ROBO2: variants seen among roughly 807,000 people sequenced by gnomAD.
ROBO2 encodes the protein roundabout guidance receptor 2, also known as roundabout homolog 2.
In ROBO2, 53 loss-of-function variants were observed where a neutral mutation model predicts 160.8. The observed-to-expected ratio is 0.33, with a 90% CI of 0.26 to 0.41. The LOEUF is 0.41. Ranked by LOEUF, ROBO2 falls within the 10% of genes least tolerant of loss-of-function variation. The pLI is 1.00. For missense variants in ROBO2, 1,577 were observed against 1,722.4 expected (o/e 0.92, Z 1.49); for synonymous variants, 664 against 611.7 (o/e 1.09, Z -1.26).
At chr3:76,104,281 A>G (rs1420364950) in intron 2 of ROBO2, among the ~76,000 whole-genome samples, 1 of 152,242 alleles carries the variant, frequency 6.6e-6, no homozygotes, top group Non-Finnish European at 1.5e-5. Flanking sequence ...ATCTAGAGTC[A>G]AAGTACTGAA....
At chr3:77,091,980 A>T (rs1290345391) in intron 1 of ROBO2, 3 of 143,714 alleles carry the variant, frequency 2.1e-5, no homozygotes, top group East Asian at 4.1e-4. Flanking sequence ...TCTCTGACTC[A>T]AAATAAATAA....
At chr3:76,251,085 C>A (rs1705964603) in intron 2 of ROBO2, among the ~76,000 whole-genome samples, 1 of 151,954 alleles carries the variant, frequency 6.6e-6, no homozygotes, top group Non-Finnish European at 1.5e-5. Flanking sequence ...GAAACGCATT[C>A]TTATCAGTGG....
intron 2 of ROBO2, among the ~76,000 whole-genome samples, chr3:76,753,124 A>G (rs2060773124): frequency 3.3e-5 from 5 of 151,964 alleles, no homozygotes; most frequent in Admixed American, 3.3e-4. Flanking sequence ...ACTTAAATAG[A>G]CAAAGAAACA....
At chr3:77,181,308 A>G (rs2080761313) in intron 2 of ROBO2, among the ~76,000 whole-genome samples, 1 of 152,102 alleles carries the variant, frequency 6.6e-6, no homozygotes, top group South Asian at 2.1e-4. Flanking sequence ...TAATTACTGT[A>G]CCAGGGATGA....
chr3:76,561,028 G>T lies in ROBO2; in HGVS notation c.110-536986G>T, dbSNP rs372295300. 2.8e-4 allele frequency among the ~76,000 whole-genome samples: 42 copies of T among 148,458 alleles called. 2 individuals carry two copies. Among genetic ancestry groups the T allele is most frequent in the South Asian group, 2.8e-3 (13 of 4,704 alleles). On this transcript the variant is annotated intron_variant, in intron 2 of 26. Transcript: ENST00000487694. ...AGCTCAACAGTCAAGCTATAATGGT[G>T]ATAGTCAAGCTCTCTCTATATATAG...
At chr3:76,896,345 C>A (rs1178901814) in intron 2 of ROBO2, among the ~76,000 whole-genome samples, 1 of 152,088 alleles carries the variant, frequency 6.6e-6, no homozygotes, top group Non-Finnish European at 1.5e-5. Flanking sequence ...TAGCCTCAAT[C>A]TTTGAGCTCT....
At chr3:76,336,879 A>T (rs2073926280) in intron 2 of ROBO2, among the ~76,000 whole-genome samples, 1 of 152,200 alleles carries the variant, frequency 6.6e-6, no homozygotes, top group South Asian at 2.1e-4. Flanking sequence ...CTTTAAGTAT[A>T]TATTTAATTG....
Position 76,730,284 on chromosome 3 carries a change from T to C in ROBO2, c.110-367730T>C, listed in dbSNP as rs9839890. On this transcript the variant is annotated intron_variant, in intron 2 of 26. Transcript: ENST00000487694. Reference sequence around the variant, plus strand: ...TCCTCACCTCCTACTCCCTACCCGCTTGTCCTCACCTCCTACTCCCTACCC... The same window carrying C: ...TCCTCACCTCCTACTCCCTACCCGCCTGTCCTCACCTCCTACTCCCTACCC... Among the ~76,000 whole-genome samples the C allele has an allele frequency of 1.7e-3, 128 of 73,866 alleles. 1 individual carries two copies. Among genetic ancestry groups the C allele is most frequent in the African/African-American group, 4.7e-3 (52 of 11,076 alleles). 48.5% of individuals were successfully genotyped at this position (73,866 alleles called of 152,430 possible). A position where few individuals can be genotyped will look rare whatever the true frequency, so the allele number is the denominator to read the frequency against.
At chr3:76,079,930 A>G (rs971902643) in intron 2 of ROBO2, among the ~76,000 whole-genome samples, 2 of 152,160 alleles carry the variant, frequency 1.3e-5, no homozygotes, top group Non-Finnish European at 2.9e-5. Context: ...ATGAGAGAAG[A>G]AAAATGGAAC....
At chr3:76,755,140 A>G (rs2060895708) in intron 2 of ROBO2, among the ~76,000 whole-genome samples, 2 of 151,848 alleles carry the variant, frequency 1.3e-5, no homozygotes, top group African/African-American at 4.8e-5. Context: ...TACTCAGATT[A>G]TTGATTAAAT....
intron 2 of ROBO2, among the ~76,000 whole-genome samples, chr3:76,706,625 C>T (rs1345218870): frequency 1.3e-5 from 2 of 151,854 alleles, no homozygotes; most frequent in African/African-American, 4.8e-5. Context: ...TAAACTTTGC[C>T]TTTCTATGGG....
intron 2 of ROBO2, among the ~76,000 whole-genome samples, chr3:76,325,035 G>A (rs2072894681): frequency 6.6e-6 from 1 of 152,188 alleles, no homozygotes; most frequent in African/African-American, 2.4e-5. Flanking sequence ...AACCCGGGAG[G>A]CGGAGCTTGC....
rs115859876 is a variant in ROBO2 at position 76,974,451 on chromosome 3, T to C, written c.110-123563T>C. 2.0e-3 allele frequency among the ~76,000 whole-genome samples: 301 copies of C among 152,298 alleles called. 3 individuals carry two copies. Among genetic ancestry groups the C allele is most frequent in the African/African-American group, 6.8e-3 (284 of 41,566 alleles). ...GAATCTTCACAAAATATGCATTATT[T>C]TTCATCTGAGTTTGCAGATGAGGAA... is the stretch of plus-strand genomic sequence containing the variant. On this transcript the variant is annotated intron_variant, in intron 2 of 26. Coordinates refer to the ROBO2 transcript ENST00000487694.
chr3:76,744,193 A>G (rs1052653970), intron 2 of ROBO2, among the ~76,000 whole-genome samples: 1 of 152,180 alleles, frequency 6.6e-6, no homozygotes, highest in Admixed American at 6.5e-5. Context: ...GATGGCTTAA[A>G]CAATAGGATT....
intron 1 of ROBO2, among the ~76,000 whole-genome samples, chr3:77,065,412 CTA>C (rs1364341424): frequency 6.6e-6 from 1 of 152,080 alleles, no homozygotes; most frequent in Non-Finnish European, 1.5e-5. Context: ...GAAAAATATC[CTA>C]TTGTTTCTCT....
intron 4 of ROBO2, among the ~76,000 whole-genome samples, chr3:77,484,528 C>T (rs1242399932): frequency 6.6e-6 from 1 of 151,726 alleles, no homozygotes; most frequent in Admixed American, 6.6e-5. Flanking sequence ...CACACACACA[C>T]ACACACACAC....
chr3:76,996,334 A>G (rs1440998137), intron 2 of ROBO2, among the ~76,000 whole-genome samples: 1 of 152,188 alleles, frequency 6.6e-6, no homozygotes, highest in Non-Finnish European at 1.5e-5. Context: ...TACCAGTACC[A>G]TGCTGTTTTG....
chr3:75,998,814 A>G (rs1258614657), intron 2 of ROBO2, among the ~76,000 whole-genome samples: 6 of 152,230 alleles, frequency 3.9e-5, no homozygotes, highest in African/African-American at 1.4e-4. Flanking sequence ...GTGATGTCCA[A>G]TAAGGCAAGC....
intron 2 of ROBO2, among the ~76,000 whole-genome samples, chr3:77,028,154 C>T (rs1336147516): frequency 6.6e-6 from 1 of 152,062 alleles, no homozygotes; most frequent in Non-Finnish European, 1.5e-5. Context: ...CCTTCTTCAG[C>T]AACTGCCAAC....
Sources: gnomAD v4.1 joint callset for allele counts (sites outside exome capture counted in the v4.1 genomes callset) on GRCh38, gnomAD v4.1.1 for gene constraint, MANE v1.5 for transcripts, NCBI Gene and HGNC (gene_info 2026-07-23, HGNC 2026-07-21) for gene names.